CDH4: variants seen among roughly 807,000 people sequenced by gnomAD.
The protein encoded by CDH4 is cadherin 4.
Under a neutral mutation model 86.0 loss-of-function variants are expected in CDH4, and 33 were observed. The ratio of observed to expected loss-of-function variants is 0.38; its 90% CI spans 0.29 to 0.51. The LOEUF is 0.51. Ranked by LOEUF, CDH4 falls within the 20% of genes least tolerant of loss-of-function variation. The pLI, the probability that CDH4 is intolerant of heterozygous loss-of-function variation, is 0.86. For synonymous variants in CDH4, 555 were observed against 549.4 expected (o/e 1.01, Z -0.14); for missense variants, 1,114 against 1,307.4 (o/e 0.85, Z 2.28).
At chr20:61,333,309 G>A (rs1480446513) in intron 2 of CDH4, among the ~76,000 whole-genome samples, 1 of 152,012 alleles carries the variant, frequency 6.6e-6, no homozygotes, top group Non-Finnish European at 1.5e-5. Context: ...CTGCATGGGG[G>A]AGCTGGCAAG....
intron 2 of CDH4, among the ~76,000 whole-genome samples, chr20:61,373,639 G>C (rs1350352765): frequency 6.6e-6 from 1 of 152,126 alleles, no homozygotes; most frequent in Non-Finnish European, 1.5e-5. Flanking sequence ...TATGCGTTCC[G>C]ATGACCAGAC....
At chr20:61,839,055 G>T (rs950278878) in intron 4 of CDH4, among the ~76,000 whole-genome samples, 1 of 152,176 alleles carries the variant, frequency 6.6e-6, no homozygotes, top group Non-Finnish European at 1.5e-5. Context: ...AAGGGTCTGC[G>T]ATCTGTTTTC....
rs1345259086 is a variant in CDH4, at chr20:61,623,251, C to T, written c.170-120312C>T. Among the ~76,000 whole-genome samples, 5 of 152,136 alleles carry T rather than the reference C, an allele frequency of 3.3e-5. No homozygotes were observed. Among genetic ancestry groups the T allele is most frequent in the Non-Finnish European group, 5.9e-5 (4 of 68,028 alleles). On this transcript the variant is annotated intron_variant, in intron 2 of 15. Coordinates refer to ENST00000614565, the MANE Select transcript of CDH4 (RefSeq NM_001794.5). This position sits in a 1 kb window ranked among gnomAD's most constrained non-coding sequence, Gnocchi z 4.4. Reference sequence around the variant, plus strand: ...ACGCTGCACCCCACTCACCACACTGCGGCGCCTGCTTTTTCCTTGAGCATC... The same window carrying T: ...ACGCTGCACCCCACTCACCACACTGTGGCGCCTGCTTTTTCCTTGAGCATC...
intron 2 of CDH4, among the ~76,000 whole-genome samples, chr20:61,439,050 T>C (rs1439856094): frequency 6.6e-6 from 1 of 152,200 alleles, no homozygotes; most frequent in Non-Finnish European, 1.5e-5. Flanking sequence ...GCCTAGCATC[T>C]GCCTTCGGTG....
chr20:61,803,121 C>T (rs1461853423), intron 4 of CDH4, among the ~76,000 whole-genome samples: 1 of 152,224 alleles, frequency 6.6e-6, no homozygotes, highest in Non-Finnish European at 1.5e-5. Context: ...AGCAGCGCGG[C>T]GAGTCGCAGC....
At chr20:61,255,931 G>T (rs1253377056) in intron 2 of CDH4, among the ~76,000 whole-genome samples, 1 of 152,124 alleles carries the variant, frequency 6.6e-6, no homozygotes, top group Non-Finnish European at 1.5e-5. Context: ...ATTTTGCACC[G>T]AATCCAAGTT....
At chr20:61,844,101 G>A (rs1047231736) in intron 4 of CDH4, among the ~76,000 whole-genome samples, 1 of 152,166 alleles carries the variant, frequency 6.6e-6, no homozygotes, top group South Asian at 2.1e-4. Context: ...ACCAAATGAA[G>A]CCTTTGCCTA....
intron 4 of CDH4, among the ~76,000 whole-genome samples, chr20:61,824,510 C>A (rs748229871): frequency 6.6e-6 from 1 of 152,088 alleles, no homozygotes; most frequent in African/African-American, 2.4e-5. Context: ...GGTGAAATTC[C>A]CATCCTTTTT....
At chr20:61,730,901 G>C (rs1272313457) in intron 2 of CDH4, among the ~76,000 whole-genome samples, 2 of 152,220 alleles carry the variant, frequency 1.3e-5, no homozygotes, top group African/African-American at 4.8e-5. Flanking sequence ...GGGCGGCGGG[G>C]TCTGGGATGG....
intron 7 of CDH4, among the ~76,000 whole-genome samples, chr20:61,882,289 C>T (rs557150482): frequency 1.3e-5 from 2 of 152,206 alleles, no homozygotes; most frequent in Non-Finnish European, 2.9e-5. Context: ...GACGTGAAAG[C>T]CAGGTTACTT....
intron 3 of CDH4, among the ~76,000 whole-genome samples, chr20:61,770,395 C>T (rs1281011901): frequency 2.6e-5 from 4 of 152,238 alleles, no homozygotes; most frequent in Admixed American, 6.5e-5. Flanking sequence ...TTCTCCACCA[C>T]GTGAACTCTC....
At chr20:61,385,923 T>C (rs2084948744) in intron 2 of CDH4, among the ~76,000 whole-genome samples, 1 of 152,142 alleles carries the variant, frequency 6.6e-6, no homozygotes, top group South Asian at 2.1e-4. Context: ...TCATGCATCA[T>C]GTGGGTAAGG....
chr20:61,790,614 C>T (rs1010414844), intron 4 of CDH4, among the ~76,000 whole-genome samples: 3 of 151,600 alleles, frequency 2.0e-5, no homozygotes, highest in African/African-American at 2.4e-5. Flanking sequence ...ACCATCCACC[C>T]ATTCATTTCT....
At chr20:61,447,623 C>G (rs1408717224) in intron 2 of CDH4, among the ~76,000 whole-genome samples, 1 of 120,220 alleles carries the variant, frequency 8.3e-6, no homozygotes, top group Admixed American at 9.8e-5. Flanking sequence ...CATTCTACTT[C>G]CTTTTTTTTT....
At chr20:61,549,003 A>G (rs1475839931) in intron 2 of CDH4, among the ~76,000 whole-genome samples, 1 of 151,986 alleles carries the variant, frequency 6.6e-6, no homozygotes, top group East Asian at 1.9e-4. Context: ...GGCGGGTGGA[A>G]GCCGCCTTTG....
intron 2 of CDH4, among the ~76,000 whole-genome samples, chr20:61,300,361 AG>A: frequency 6.6e-6 from 1 of 152,228 alleles, no homozygotes; most frequent in Middle Eastern, 3.4e-3. Flanking sequence ...GGAGGCTCCG[AG>A]CCCTCAGCTG....
In CDH4 at chr20:61,714,062, T is replaced by TGTTATGTTATGTTA. The variant is rs1237764006; in HGVS notation, c.170-29501_170-29500insGTTATGTTATGTTA. Among the ~76,000 whole-genome samples the TGTTATGTTATGTTA allele has an allele frequency of 1.8e-3, 267 of 150,062 alleles. 5 individuals are homozygous for TGTTATGTTATGTTA. Among genetic ancestry groups the TGTTATGTTATGTTA allele is most frequent in the Middle Eastern group, 3.4e-3 (1 of 290 alleles). ...TTTTATTTTATTTTATTTTATTTTA[T>TGTTATGTTATGTTA]TTGAGATGGAGTCTCACTCTGTCGC... is the stretch of plus-strand genomic sequence containing the variant. On this transcript the variant is annotated intron_variant, in intron 2 of 15. Coordinates refer to ENST00000614565, the MANE Select transcript of CDH4 (RefSeq NM_001794.5).
chr20:61,336,347 C>T (rs986105209), intron 2 of CDH4, among the ~76,000 whole-genome samples: 1 of 152,174 alleles, frequency 6.6e-6, no homozygotes, highest in East Asian at 1.9e-4. Context: ...TCCTCTTCTT[C>T]CTCCTCGACC....
At chr20:61,711,063 G>A (rs1271769050) in intron 2 of CDH4, among the ~76,000 whole-genome samples, 1 of 152,226 alleles carries the variant, frequency 6.6e-6, no homozygotes, top group East Asian at 1.9e-4. Context: ...TGTCCAGAGA[G>A]AGACCAGGTG....
Sources: gnomAD v4.1 joint callset for allele counts (sites outside exome capture counted in the v4.1 genomes callset) on GRCh38, gnomAD v4.1.1 for gene constraint, Gnocchi (gnomAD v3.1) non-coding constraint, MANE v1.5 for transcripts, NCBI Gene and HGNC (gene_info 2026-07-23, HGNC 2026-07-21) for gene names.